The following KCNU1 variants were observed in gnomAD, a reference collection of about 807,000 sequenced individuals.
The protein encoded by KCNU1 is potassium channel subfamily U member 1.
A neutral mutation model predicts 126.8 loss-of-function variants in KCNU1; 93 were observed. That is an observed-to-expected ratio of 0.73 (90% CI 0.62 to 0.87). KCNU1 has a LOEUF of 0.87. KCNU1 is among the 40% of genes least tolerant of loss of function. KCNU1 has a pLI of 0.00. For missense variants in KCNU1, 1,330 were observed against 1,367.1 expected (o/e 0.97, Z 0.43); for synonymous variants, 523 against 494.2 (o/e 1.06, Z -0.77).
In KCNU1 at chr8:36,814,441, T is replaced by C. The variant is rs1205457327; in HGVS notation, c.903+64T>C. 5.9e-6 allele frequency: 7 copies of C among 1,182,822 alleles called. No homozygotes were observed. In the Admixed American group the frequency reaches 6.1e-5, roughly 10 times the overall value. The allele number at this position is 1,182,822 out of a possible 1,614,324, so 73.3% of individuals were successfully genotyped here. A position where few individuals can be genotyped will look rare whatever the true frequency, so the allele number is the denominator to read the frequency against. ...TAAACCAGAAATATTTGGTTAATGG[T>C]AATCAATGAAACAATATAGGTTTAA... On this transcript the variant is annotated intron_variant, in intron 8 of 26. Coordinates refer to ENST00000399881, the MANE Select transcript of KCNU1 (RefSeq NM_001031836.3).
intron 7 of KCNU1, among the ~76,000 whole-genome samples, chr8:36,810,417 A>G (rs1803669324): frequency 6.6e-6 from 1 of 152,190 alleles, no homozygotes; most frequent in Admixed American, 6.5e-5. Context: ...CTCCCAGGAA[A>G]GGAGACCTCC....
chr8:36,808,609 C>T, intron 6 of KCNU1, 109 bp from the exon 7 acceptor site: 1 of 693,148 alleles, frequency 1.4e-6, no homozygotes. Context: ...TAATGCCGTT[C>T]CTTCTGGTCC....
Position 36,845,563 on chromosome 8 carries a change from T to A in KCNU1, c.1704-17T>A, listed in dbSNP as rs1255536345. 1.4e-6 allele frequency: 2 copies of A among 1,480,472 alleles called. No homozygotes were observed. The highest frequency in any genetic ancestry group is 4.5e-5 in the East Asian group (2 of 44,160). The allele number at this position is 1,480,472 out of a possible 1,614,324, so 91.7% of individuals were successfully genotyped here. A position where few individuals can be genotyped will look rare whatever the true frequency, so the allele number is the denominator to read the frequency against. On this transcript the variant is annotated splice_polypyrimidine_tract_variant and intron_variant, in intron 16 of 26. Transcript: ENST00000399881. Reference sequence around the variant, plus strand: ...ATCAGAGGGAAACATTACCATGTGTTTATTTTTTGTTTCCAGTGGTCTGAT... The same window carrying A: ...ATCAGAGGGAAACATTACCATGTGTATATTTTTTGTTTCCAGTGGTCTGAT...
At chr8:36,860,212 G>T (rs923453573) in intron 18 of KCNU1, among the ~76,000 whole-genome samples, 1 of 151,954 alleles carries the variant, frequency 6.6e-6, no homozygotes, top group Non-Finnish European at 1.5e-5. Context: ...TGAGTAGCTG[G>T]GACTACAGGT....
chr8:36,909,384 C>A lies in KCNU1; in HGVS notation c.2180C>A (p.Ala727Asp), dbSNP rs750759618. Residue 727 changes from alanine (A) to aspartate (D), a missense_variant, in exon 21 of 27, where the codon GCC becomes GAC. Coordinates refer to ENST00000399881, the MANE Select transcript of KCNU1 (RefSeq NM_001031836.3). Reference sequence around the variant, plus strand: ...TGTGTATTTGGAGATGCCCACTCAGCCCCGATGGGGCTTCGGAACTTTGTA... The same window carrying A: ...TGTGTATTTGGAGATGCCCACTCAGACCCGATGGGGCTTCGGAACTTTGTA... ...VACVFGDAHS[A>D]PMGLRNFVMP... 1.2e-6 allele frequency: 2 copies of A among 1,613,384 alleles called. No individual in the cohort carries two copies. The highest frequency in any genetic ancestry group is 1.7e-6 in the Non-Finnish European group (2 of 1,179,370).
In KCNU1 at chr8:36,808,743, C is replaced by T. The variant is rs761198612; in HGVS notation, c.682C>T (p.Leu228=). Residue 228 remains leucine (L), a synonymous_variant, in exon 7 of 27, where the codon CTG becomes TTG. Coordinates refer to ENST00000399881, the MANE Select transcript of KCNU1 (RefSeq NM_001031836.3). ...TSNSVKFSKL[L]SIILSTWFTA... Reference sequence around the variant, plus strand: ...TAACTCAGTGAAGTTTTCCAAACTGCTGTCAATAATTCTCAGTACCTGGTT... The same window carrying T: ...TAACTCAGTGAAGTTTTCCAAACTGTTGTCAATAATTCTCAGTACCTGGTT... 1.9e-6 allele frequency: 3 copies of T among 1,611,294 alleles called. No individual in the cohort carries two copies. The highest frequency in any genetic ancestry group is 4.5e-5 in the East Asian group (2 of 44,730).
At chr8:36,815,367 G>A (rs1803870178) in intron 8 of KCNU1, among the ~76,000 whole-genome samples, 2 of 152,126 alleles carry the variant, frequency 1.3e-5, no homozygotes, top group Admixed American at 1.3e-4. Flanking sequence ...TCACCTTGCT[G>A]CTGTCCTTTG....
At chr8:36,917,355 T>C (rs1219851299) in intron 22 of KCNU1, among the ~76,000 whole-genome samples, 3 of 86,538 alleles carry the variant, frequency 3.5e-5, no homozygotes, top group Non-Finnish European at 6.5e-5. Flanking sequence ...CACCAACTTC[T>C]TTTTTTTTTT....
At chr8:36,811,627 C>T (rs1412505409) in intron 7 of KCNU1, among the ~76,000 whole-genome samples, 5 of 152,090 alleles carry the variant, frequency 3.3e-5, no homozygotes, top group Non-Finnish European at 7.3e-5. Context: ...AATGGGGAAG[C>T]CATGGTAAGA....
chr8:36,893,791 T>G, intron 19 of KCNU1, among the ~76,000 whole-genome samples: 1 of 152,180 alleles, frequency 6.6e-6, no homozygotes, highest in East Asian at 1.9e-4. Flanking sequence ...TGATAATTTT[T>G]TTGTCAATAT....
In KCNU1 at chr8:36,887,097, G is replaced by T. The variant is rs562753485; in HGVS notation, c.2010-18611G>T. ...TATCTTTACAATTGTGAATTATGCT[G>T]CAATAAACATATGTGTGCAGGGGTC... On this transcript the variant is annotated intron_variant, in intron 19 of 26. Transcript: ENST00000399881. Among the ~76,000 whole-genome samples, 29 of 152,152 alleles carry T rather than the reference G, an allele frequency of 1.9e-4. 1 individual carries two copies. In the South Asian group the frequency reaches 5.8e-3, roughly 31 times the overall value.
Position 36,814,447 on chromosome 8 carries a change from A to C in KCNU1, c.903+70A>C, listed in dbSNP as rs369129556. 4.5e-6 allele frequency: 5 copies of C among 1,100,178 alleles called. No individual in the cohort carries two copies. In the African/African-American group the frequency reaches 7.8e-5, roughly 17 times the overall value. 68.2% of individuals were successfully genotyped at this position (1,100,178 alleles called of 1,614,324 possible). A position where few individuals can be genotyped will look rare whatever the true frequency, so the allele number is the denominator to read the frequency against. ...AGAAATATTTGGTTAATGGTAATCA[A>C]TGAAACAATATAGGTTTAAGAGTGA... On this transcript the variant is annotated intron_variant, in intron 8 of 26. Coordinates refer to ENST00000399881, the MANE Select transcript of KCNU1 (RefSeq NM_001031836.3).
chr8:36,837,788 C>A (rs975540415), intron 14 of KCNU1, among the ~76,000 whole-genome samples: 1 of 152,186 alleles, frequency 6.6e-6, no homozygotes, highest in Non-Finnish European at 1.5e-5. Flanking sequence ...CTTGGCTGGA[C>A]CTGGTCTTCC....
chr8:36,817,584 C>G (rs899068190), intron 9 of KCNU1, 66 bp from the exon 10 acceptor site: 1 of 724,304 alleles, frequency 1.4e-6, no homozygotes, highest in Non-Finnish European at 2.5e-6. Context: ...TTATTTATCT[C>G]TAAATGCTGA....
chr8:36,897,738 C>G (rs547650840), intron 19 of KCNU1, among the ~76,000 whole-genome samples: 1 of 151,984 alleles, frequency 6.6e-6, no homozygotes, highest in Non-Finnish European at 1.5e-5. Flanking sequence ...ACCTTTCATC[C>G]CTAGTCACAG....
intron 19 of KCNU1, among the ~76,000 whole-genome samples, chr8:36,867,436 G>C (rs1016485414): frequency 2.0e-5 from 3 of 152,180 alleles, no homozygotes; most frequent in Admixed American, 2.0e-4. Flanking sequence ...CAAGAACACA[G>C]TCTTGGATTT....
chr8:36,918,903 T>C lies in KCNU1; in HGVS notation c.2596+6T>C, dbSNP rs1303309902. 7 of 1,567,414 alleles carry C rather than the reference T, an allele frequency of 4.5e-6. No homozygotes were observed. The highest frequency in any genetic ancestry group is 2.2e-5 in the East Asian group (1 of 44,640). ...CCCTATCCTTACTGAACTGAGTAAGTGGTGTTTCGAGGGGAAAATTCAATG... is the reference window on the plus strand; with the variant it reads ...CCCTATCCTTACTGAACTGAGTAAGCGGTGTTTCGAGGGGAAAATTCAATG... On this transcript the variant is annotated splice_donor_region_variant and intron_variant, in intron 23 of 26. Coordinates refer to ENST00000399881, the MANE Select transcript of KCNU1 (RefSeq NM_001031836.3).
intron 20 of KCNU1, among the ~76,000 whole-genome samples, chr8:36,907,227 C>T (rs1347926283): frequency 1.3e-5 from 2 of 152,196 alleles, no homozygotes; most frequent in South Asian, 4.2e-4. Context: ...GCAAAAGGGT[C>T]AAGTAGAAAT....
intron 19 of KCNU1, among the ~76,000 whole-genome samples, chr8:36,895,235 C>T (rs551721443): frequency 2.6e-4 from 39 of 152,058 alleles, no homozygotes; most frequent in Non-Finnish European, 4.6e-4. Context: ...CTGACCACCA[C>T]GCCCAGCTAA....
Sources: allele counts gnomAD v4.1 joint callset (sites outside exome capture counted in the v4.1 genomes callset), GRCh38; gene constraint gnomAD v4.1.1; transcripts MANE v1.5; gene names NCBI Gene and HGNC (gene_info 2026-07-23, HGNC 2026-07-21).